The following SAMD5 variants were observed in gnomAD, a reference collection of about 807,000 sequenced individuals.
The protein encoded by SAMD5 is sterile alpha motif domain containing 5.
SAMD5 carries 13 observed loss-of-function variants against 11.3 expected under a neutral mutation model. The observed-to-expected ratio is 1.15, with a 90% CI of 0.75 to 1.83. SAMD5 has a LOEUF of 1.83. SAMD5 is among the 40% of genes most tolerant of loss of function. SAMD5 has a pLI of 0.00. For missense variants in SAMD5, 255 were observed against 239.1 expected (o/e 1.07, Z -0.44); for synonymous variants, 129 against 111.3 (o/e 1.16, Z -1.00).
intron 1 of SAMD5, among the ~76,000 whole-genome samples, chr6:147,636,138 T>C (rs892269536): frequency 1.3e-5 from 2 of 152,180 alleles, no homozygotes; most frequent in African/African-American, 4.8e-5. Context: ...GGAAAAACAA[T>C]GTGTCTATAC....
intron 1 of SAMD5, among the ~76,000 whole-genome samples, chr6:147,638,797 A>T (rs765256312): frequency 7.2e-5 from 11 of 152,212 alleles, no homozygotes; most frequent in Non-Finnish European, 1.3e-4. Flanking sequence ...TACATGATGA[A>T]CTTCTGGAAT....
rs149899634 is a variant in SAMD5, at chr6:147,700,113, G to A, written c.163-37204G>A. On this transcript the variant is annotated intron_variant, in intron 1 of 1. Transcript: ENST00000566741. ...ATGTTTTAAACCCATGCTTCCTTTC[G>A]ATTAAAAAAGATCCCTTGCCTTTAT... Among the ~76,000 whole-genome samples, 284 of 152,080 alleles carry A rather than the reference G, an allele frequency of 1.9e-3. 3 individuals are homozygous for A. Among genetic ancestry groups the A allele is most frequent in the African/African-American group, 6.5e-3 (270 of 41,482 alleles).
chr6:147,807,330 C>A, the SAMD5 span, among the ~76,000 whole-genome samples: 172 of 152,180 alleles, frequency 1.1e-3, 1 homozygote, highest in East Asian at 0.027. Context: ...GTCTCGATCT[C>A]CTGACCTCAT....
At chr6:147,699,814 A>G (rs944694227) in intron 1 of SAMD5, among the ~76,000 whole-genome samples, 38 of 152,230 alleles carry the variant, frequency 2.5e-4, no homozygotes, top group Non-Finnish European at 5.9e-5. Context: ...GACTCAGGGT[A>G]CTATGAAGCT....
chr6:147,565,968 G>C lies in SAMD5; in HGVS notation c.*1512G>C. 2.0e-6 allele frequency: 2 copies of C among 985,130 alleles called. No individual in the cohort carries two copies. The highest frequency in any genetic ancestry group is 2.4e-6 in the Non-Finnish European group (2 of 829,750). The allele number at this position is 985,130 out of a possible 1,614,324, so 61.0% of individuals were successfully genotyped here. ...TGTAAGTTCCCATCGGCACCGTCAT[G>C]GTAAGAAGAATAAGAAACTCTCAAA... is the stretch of plus-strand genomic sequence containing the variant. On this transcript the variant is annotated 3_prime_UTR_variant, in exon 2 of 2. Coordinates refer to ENST00000367474, the MANE Select transcript of SAMD5 (RefSeq NM_001030060.3).
intron 1 of SAMD5, among the ~76,000 whole-genome samples, chr6:147,650,285 A>G (rs752927517): frequency 6.6e-6 from 1 of 152,332 alleles, no homozygotes; most frequent in Admixed American, 6.5e-5. Flanking sequence ...TGTAAGCCAT[A>G]TGGACTCTCA....
the SAMD5 span, among the ~76,000 whole-genome samples, chr6:147,910,899 C>T: frequency 6.6e-6 from 1 of 152,124 alleles, no homozygotes; most frequent in African/African-American, 2.4e-5. Flanking sequence ...CAACTAAAAC[C>T]TGGATTTGTT....
At chr6:147,576,179 T>C (rs1789214365) in intron 1 of SAMD5, among the ~76,000 whole-genome samples, 3 of 151,848 alleles carry the variant, frequency 2.0e-5, no homozygotes, top group Admixed American at 6.6e-5. Flanking sequence ...TTACTCCTGT[T>C]GCACAGGCTG....
chr6:147,781,801 C>G, the SAMD5 span, among the ~76,000 whole-genome samples: 1 of 149,396 alleles, frequency 6.7e-6, no homozygotes, highest in Non-Finnish European at 1.5e-5. Context: ...CACACACACA[C>G]ACACACACAC....
the SAMD5 span, among the ~76,000 whole-genome samples, chr6:147,810,552 A>G: frequency 2.5e-3 from 380 of 152,350 alleles, 2 homozygotes; most frequent in Middle Eastern, 0.014. Context: ...TAGAGATGGT[A>G]GAAAAGCCAG....
chr6:147,668,886 G>A (rs556534208), intron 1 of SAMD5, among the ~76,000 whole-genome samples: 2 of 152,294 alleles, frequency 1.3e-5, no homozygotes, highest in Non-Finnish European at 2.9e-5. Context: ...TAGTAAGTGT[G>A]CAATAGCATT....
the SAMD5 span, among the ~76,000 whole-genome samples, chr6:147,875,200 T>C: frequency 1.3e-5 from 2 of 152,208 alleles, no homozygotes; most frequent in South Asian, 2.1e-4. Context: ...TTGGTTTACA[T>C]TATATGCACT....
intron 1 of SAMD5, among the ~76,000 whole-genome samples, chr6:147,657,107 T>C (rs549747340): frequency 2.0e-4 from 31 of 152,290 alleles, no homozygotes; most frequent in African/African-American, 7.0e-4. Context: ...TAAAGTGATT[T>C]CCAGGATATA....
intron 1 of SAMD5, among the ~76,000 whole-genome samples, chr6:147,641,094 G>A (rs779745196): frequency 4.3e-4 from 66 of 152,166 alleles, no homozygotes; most frequent in Non-Finnish European, 6.2e-4. Flanking sequence ...GATAGTGATT[G>A]CTTTGTTGAA....
chr6:147,646,403 C>T (rs559724685), intron 1 of SAMD5, among the ~76,000 whole-genome samples: 2 of 151,706 alleles, frequency 1.3e-5, no homozygotes, highest in African/African-American at 2.4e-5. Context: ...CCTTCTTGAC[C>T]TGTTCGGTTT....
chr6:147,941,291 G>A, the SAMD5 span, among the ~76,000 whole-genome samples: 5 of 152,164 alleles, frequency 3.3e-5, no homozygotes, highest in East Asian at 7.7e-4. Context: ...AATAAACAGT[G>A]ACTCTGCTGA....
intron 1 of SAMD5, among the ~76,000 whole-genome samples, chr6:147,551,976 G>C (rs702332): frequency 0.34 from 52,207 of 151,474 alleles, 9,315 homozygotes; most frequent in East Asian, 0.55. Flanking sequence ...CCTTGTTATC[G>C]GAGTTTAAAT....
chr6:147,952,347 A>G, the SAMD5 span, among the ~76,000 whole-genome samples: 2 of 152,180 alleles, frequency 1.3e-5, no homozygotes, highest in Non-Finnish European at 2.9e-5. Flanking sequence ...AGCTAATGTT[A>G]TTTCCTTTGC....
At chr6:147,790,796 C>T in the SAMD5 span, among the ~76,000 whole-genome samples, 126 of 111,438 alleles carry the variant, frequency 1.1e-3, 3 homozygotes, top group African/African-American at 4.4e-3. Context: ...CTCTCTCTCT[C>T]TCTCTCTCTC....
Sources: gnomAD v4.1 joint callset for allele counts (sites outside exome capture counted in the v4.1 genomes callset) on GRCh38, gnomAD v4.1.1 for gene constraint, MANE v1.5 for transcripts, NCBI Gene and HGNC (gene_info 2026-07-23, HGNC 2026-07-21) for gene names.